USP54: variants seen among roughly 807,000 people sequenced by gnomAD.
USP54 encodes ubiquitin carboxyl-terminal hydrolase 54.
A neutral mutation model predicts 170.5 loss-of-function variants in USP54; 87 were observed. That is an observed-to-expected ratio of 0.51 (90% CI 0.43 to 0.61). The LOEUF (loss-of-function observed/expected upper bound fraction) is 0.61. USP54 is among the 20% of genes least tolerant of loss of function. USP54 has a pLI of 0.00. For missense variants in USP54, 1,786 were observed against 2,047.8 expected (o/e 0.87, Z 2.47); for synonymous variants, 655 against 742.8 (o/e 0.88, Z 1.92).
At chr10:73,529,414 C>A (rs182205528) in intron 15 of USP54, 17 of 461,038 alleles carry the variant, frequency 3.7e-5, no homozygotes, top group African/African-American at 3.3e-4. Flanking sequence ...TTTATCCTAA[C>A]AAACCTGCAC....
At chr10:73,547,040 T>C (rs2067991754) in intron 4 of USP54, among the ~76,000 whole-genome samples, 1 of 152,234 alleles carries the variant, frequency 6.6e-6, no homozygotes, top group South Asian at 2.1e-4. Flanking sequence ...TGTATTTGAA[T>C]GCACATCACT....
At chr10:73,583,437 C>T (rs192845169) in intron 1 of USP54, among the ~76,000 whole-genome samples, 1 of 152,298 alleles carries the variant, frequency 6.6e-6, no homozygotes, top group East Asian at 1.9e-4. Flanking sequence ...AGGCGCCTGC[C>T]ACCACGCCCA....
intron 12 of USP54, among the ~76,000 whole-genome samples, chr10:73,533,313 AAG>A (rs1172969450): frequency 2.2e-4 from 34 of 152,162 alleles, no homozygotes; most frequent in Admixed American, 2.2e-3. Context: ...CAAAAAAAAA[AAG>A]GTGTTATAAT....
chr10:73,544,604 T>C (rs1201730635), intron 5 of USP54, among the ~76,000 whole-genome samples: 1 of 152,238 alleles, frequency 6.6e-6, no homozygotes, highest in Non-Finnish European at 1.5e-5. Flanking sequence ...TATACCATTT[T>C]ACATTCCCAC....
chr10:73,556,222 TA>T (rs2070956757), intron 4 of USP54, among the ~76,000 whole-genome samples: 1 of 152,152 alleles, frequency 6.6e-6, no homozygotes, highest in Non-Finnish European at 1.5e-5. Flanking sequence ...CAGTTCAGAA[TA>T]ATGAGTTTTC....
intron 4 of USP54, among the ~76,000 whole-genome samples, chr10:73,562,387 T>A (rs2073272781): frequency 6.6e-6 from 1 of 152,176 alleles, no homozygotes; most frequent in African/African-American, 2.4e-5. Flanking sequence ...CATACTTACA[T>A]GAAATCTACC....
chr10:73,517,062 A>G lies in USP54; in HGVS notation c.3364T>C (p.Phe1122Leu), dbSNP rs1164257638. The stretch of plus-strand genomic sequence containing the variant: ...CGGACAAGCCCCTTTGTGCTGGGAA[A>G]CTCTGGCCTATAGGTCTCCTCACTG... ...RGSEETYRPE[F>L]PSTKGLVRSL... The change falls in exon 20 of 24, where the codon TTT (phenylalanine) becomes CTT (leucine). Residue 1122 changes from phenylalanine (F) to leucine (L), a missense_variant. Physicochemically the swap from Phe to Leu is conservative, Grantham distance 22. Coordinates refer to ENST00000687698, the MANE Select transcript of USP54 (RefSeq NM_001391956.1). The G allele has an allele frequency of 8.1e-6, 13 of 1,613,958 alleles. No homozygotes were observed. The East Asian group carries it at 2.9e-4, about 36-fold the overall frequency.
chr10:73,580,560 CTTATT>C (rs1181114326), intron 1 of USP54, among the ~76,000 whole-genome samples: 3 of 150,980 alleles, frequency 2.0e-5, no homozygotes, highest in African/African-American at 7.3e-5. Flanking sequence ...GTTACAATTG[CTTATT>C]TTATTTATTT....
intron 4 of USP54, among the ~76,000 whole-genome samples, chr10:73,560,871 G>A (rs61645699): frequency 0.031 from 4,715 of 151,274 alleles, 205 homozygotes; most frequent in East Asian, 0.22. Context: ...TTGGAAGGCC[G>A]AGGTGGGCAG....
chr10:73,606,489 A>T (rs1428356129), intron 1 of USP54: 1 of 152,090 alleles, frequency 6.6e-6, no homozygotes, highest in East Asian at 1.9e-4. Context: ...TAAGATGTTG[A>T]GAGAGAAACA....
rs377136278 is a variant in USP54, at chr10:73,529,708, C to T, written c.2032G>A (p.Ala678Thr). 4.6e-5 allele frequency: 75 copies of T among 1,613,878 alleles called. No homozygotes were observed. Among genetic ancestry groups the T allele is most frequent in the Non-Finnish European group, 6.1e-5 (72 of 1,179,874 alleles). The part of the protein sequence containing the change: ...NSSSPVSLDA[A>T]LPESSNVYRD... ...TAGACATTTGAGCTCTCAGGCAGGG[C>T]TGCATCCAGGCTGACAGGGCTGCTG... The change falls in exon 15 of 24, where the codon GCC becomes ACC. Residue 678 changes from alanine to threonine, a missense_variant. By Grantham distance (58) the Ala-to-Thr change is moderately conservative. Coordinates refer to ENST00000687698, the MANE Select transcript of USP54 (RefSeq NM_001391956.1).
chr10:73,520,118 G>C (rs1404948888), intron 18 of USP54, 126 bp from the exon 19 acceptor site: 1 of 1,352,336 alleles, frequency 7.4e-7, no homozygotes, highest in Non-Finnish European at 1.0e-6. Context: ...AGGAACGCAA[G>C]GCATGGACCA....
In USP54 at chr10:73,575,768, A is replaced by G. The variant is rs146772007; in HGVS notation, c.-18+30T>C. 2.9e-6 allele frequency: 4 copies of G among 1,369,428 alleles called. No individual in the cohort carries two copies. In the African/African-American group the frequency reaches 4.4e-5, roughly 15 times the overall value. 84.8% of individuals were successfully genotyped at this position (1,369,428 alleles called of 1,614,324 possible). ...GGAAAGGGAATCCAGAATTTAGTGAATTTATTTTGGAAGATTTTGACTTTA... is the reference window on the plus strand; with the variant it reads ...GGAAAGGGAATCCAGAATTTAGTGAGTTTATTTTGGAAGATTTTGACTTTA... On this transcript the variant is annotated intron_variant, in intron 2 of 23. Coordinates refer to ENST00000687698, the MANE Select transcript of USP54 (RefSeq NM_001391956.1).
intron 22 of USP54, among the ~76,000 whole-genome samples, chr10:73,503,556 A>G (rs1020951860): frequency 1.3e-5 from 2 of 152,176 alleles, no homozygotes; most frequent in African/African-American, 2.4e-5. Context: ...AAGGAAGCCA[A>G]CTCTCCTAGG....
At chr10:73,530,075 C>A in intron 14 of USP54, 68 bp downstream of exon 14, 1 of 1,531,486 alleles carries the variant, frequency 6.5e-7, no homozygotes, top group Non-Finnish European at 8.7e-7. Context: ...TACCAAAAAA[C>A]CCAGGTTTTA....
At chr10:73,588,053 C>T (rs2077730014) in intron 1 of USP54, among the ~76,000 whole-genome samples, 1 of 152,150 alleles carries the variant, frequency 6.6e-6, no homozygotes, top group African/African-American at 2.4e-5. Context: ...TATCTCTCCC[C>T]CATCTCTCTT....
intron 1 of USP54, among the ~76,000 whole-genome samples, chr10:73,622,258 A>G (rs1300320982): frequency 6.6e-6 from 1 of 152,112 alleles, no homozygotes; most frequent in Non-Finnish European, 1.5e-5. Flanking sequence ...TAATCACTCA[A>G]TGAATGTTAT....
intron 17 of USP54, among the ~76,000 whole-genome samples, 154 bp downstream of exon 17, chr10:73,523,429 A>G (rs2062247523): frequency 6.6e-6 from 1 of 152,208 alleles, no homozygotes; most frequent in Admixed American, 6.5e-5. Flanking sequence ...GTCTTGTCAC[A>G]TCCTACTCTA....
intron 11 of USP54, among the ~76,000 whole-genome samples, chr10:73,535,120 G>A (rs962956626): frequency 6.6e-6 from 1 of 152,192 alleles, no homozygotes; most frequent in African/African-American, 2.4e-5. Flanking sequence ...AGGACAACCT[G>A]TCATACATAG....
Sources: allele counts gnomAD v4.1 joint callset (sites outside exome capture counted in the v4.1 genomes callset), GRCh38; gene constraint gnomAD v4.1.1; transcripts MANE v1.5; gene names NCBI Gene and HGNC (gene_info 2026-07-23, HGNC 2026-07-21).